Variants in FHIT observed in about 807,000 individuals in gnomAD.
FHIT encodes fragile histidine triad diadenosine triphosphatase, also known as bis(5'-adenosyl)-triphosphatase.
In FHIT, 19 loss-of-function variants were observed where a neutral mutation model predicts 17.9. The ratio of observed to expected loss-of-function variants is 1.06; its 90% CI spans 0.74 to 1.56. The LOEUF is 1.56. Ranked by LOEUF, FHIT falls within the 40% of genes most tolerant of loss-of-function variation. FHIT has a pLI of 0.00. For missense variants in FHIT, 248 were observed against 189.2 expected, an observed-to-expected ratio of 1.31 and a Z score of -1.82; for synonymous variants, 81 against 69.7, an observed-to-expected ratio of 1.16 and a Z score of -0.81.
intron 4 of FHIT, among the ~76,000 whole-genome samples, chr3:60,727,164 C>T (rs2041932847): frequency 6.6e-6 from 1 of 152,052 alleles, no homozygotes. Context: ...ATTTCCCTTT[C>T]AGTTTGCCCA....
At chr3:60,046,620 G>A (rs538656996) in intron 5 of FHIT, among the ~76,000 whole-genome samples, 1 of 152,316 alleles carries the variant, frequency 6.6e-6, no homozygotes, top group African/African-American at 2.4e-5. Flanking sequence ...AAGGACACCT[G>A]AAAGAGAAAC....
chr3:60,727,653 A>C (rs781891024), intron 4 of FHIT, among the ~76,000 whole-genome samples: 1 of 152,248 alleles, frequency 6.6e-6, no homozygotes, highest in African/African-American at 2.4e-5. Context: ...TATTATCCAA[A>C]TGTATTTTAT....
At chr3:61,230,462 C>A (rs1157321176) in intron 1 of FHIT, among the ~76,000 whole-genome samples, 1 of 152,116 alleles carries the variant, frequency 6.6e-6, no homozygotes, top group Non-Finnish European at 1.5e-5. Flanking sequence ...GGAGCAGATG[C>A]CAGCACCATG....
At chr3:61,184,928 C>T (rs556904354) in intron 2 of FHIT, among the ~76,000 whole-genome samples, 2 of 152,304 alleles carry the variant, frequency 1.3e-5, no homozygotes, top group East Asian at 1.9e-4. Context: ...AAGAACGGCA[C>T]ATTTCCCTAC....
intron 5 of FHIT, among the ~76,000 whole-genome samples, chr3:60,179,770 G>C (rs1004620714): frequency 2.0e-5 from 3 of 152,224 alleles, no homozygotes; most frequent in Non-Finnish European, 4.4e-5. Flanking sequence ...CCCTGGTCTA[G>C]AACACTAAGG....
At chr3:60,847,707 C>T (rs971179072) in intron 3 of FHIT, among the ~76,000 whole-genome samples, 1 of 152,034 alleles carries the variant, frequency 6.6e-6, no homozygotes, top group Non-Finnish European at 1.5e-5. Flanking sequence ...CCTTTCCTTC[C>T]TCCCTTTCTT....
intron 4 of FHIT, among the ~76,000 whole-genome samples, chr3:60,747,515 C>G (rs1365837108): frequency 1.3e-5 from 2 of 152,134 alleles, no homozygotes; most frequent in African/African-American, 4.8e-5. Flanking sequence ...ATACTTGATA[C>G]CCAACTCCAA....
intron 2 of FHIT, among the ~76,000 whole-genome samples, chr3:61,193,982 C>T (rs2038786098): frequency 7.5e-6 from 1 of 133,536 alleles, no homozygotes; most frequent in Non-Finnish European, 1.5e-5. Context: ...GAATGCACAG[C>T]TGTGTAGAAA....
intron 4 of FHIT, among the ~76,000 whole-genome samples, chr3:60,539,548 G>T (rs1431198864): frequency 6.6e-6 from 1 of 152,216 alleles, no homozygotes; most frequent in Non-Finnish European, 1.5e-5. Flanking sequence ...CAACCCAAAT[G>T]TCCAACAGTG....
chr3:60,078,507 G>A (rs940963927), intron 5 of FHIT, among the ~76,000 whole-genome samples: 2 of 152,138 alleles, frequency 1.3e-5, no homozygotes, highest in African/African-American at 4.8e-5. Context: ...GGAATTGTTT[G>A]AGATTAAAGA....
chr3:60,418,613 T>C (rs1296516540), intron 5 of FHIT, among the ~76,000 whole-genome samples: 1 of 137,818 alleles, frequency 7.3e-6, no homozygotes, highest in Non-Finnish European at 1.5e-5. Flanking sequence ...AGACATTAAA[T>C]CCTTCTTCAT....
At chr3:60,842,641 ATATATTTTTTTTTT>A (rs1702774153) in intron 3 of FHIT, among the ~76,000 whole-genome samples, 2 of 47,212 alleles carry the variant, frequency 4.2e-5, no homozygotes, top group Non-Finnish European at 9.7e-5. Flanking sequence ...ATATATATAT[ATATATTTTTTTTTT>A]TTTTTTTTTC....
At chr3:60,178,341 C>T (rs574212332) in intron 5 of FHIT, among the ~76,000 whole-genome samples, 2 of 152,126 alleles carry the variant, frequency 1.3e-5, no homozygotes, top group East Asian at 3.9e-4. Context: ...AATCCCAGCA[C>T]TTTGGGAGGC....
At chr3:61,123,162 G>A (rs965190850) in intron 2 of FHIT, among the ~76,000 whole-genome samples, 6 of 152,066 alleles carry the variant, frequency 3.9e-5, no homozygotes, top group African/African-American at 1.2e-4. Context: ...CATGGAATAC[G>A]ATGCAGCCAT....
chr3:59,978,421 C>A (rs1002420673), intron 7 of FHIT, among the ~76,000 whole-genome samples: 1 of 151,812 alleles, frequency 6.6e-6, no homozygotes, highest in African/African-American at 2.4e-5. Context: ...TTTAGAGTCC[C>A]AAAATCACTC....
At chr3:60,031,261 T>C (rs1575931528) in intron 5 of FHIT, among the ~76,000 whole-genome samples, 1 of 152,176 alleles carries the variant, frequency 6.6e-6, no homozygotes, top group African/African-American at 2.4e-5. Flanking sequence ...GAGTTTTCTG[T>C]CAACCTGGGA....
chr3:60,011,898 G>C, intron 6 of FHIT, among the ~76,000 whole-genome samples: 1 of 152,122 alleles, frequency 6.6e-6, no homozygotes, highest in East Asian at 1.9e-4. Context: ...ATTGTAGCTG[G>C]ACCCTTTTCC....
At chr3:60,586,758 T>A (rs928050445) in intron 4 of FHIT, among the ~76,000 whole-genome samples, 6 of 151,928 alleles carry the variant, frequency 3.9e-5, no homozygotes, top group Non-Finnish European at 8.8e-5. Context: ...AACCAAATAC[T>A]GCATGAGCTT....
intron 5 of FHIT, among the ~76,000 whole-genome samples, chr3:60,500,343 A>C (rs951802934): frequency 8.9e-6 from 1 of 112,542 alleles, no homozygotes; most frequent in Non-Finnish European, 1.9e-5. Flanking sequence ...CAAATAAATA[A>C]AATAAAGTAC....
Sources: gnomAD v4.1 joint callset for allele counts (sites outside exome capture counted in the v4.1 genomes callset) on GRCh38, gnomAD v4.1.1 for gene constraint, MANE v1.5 for transcripts, NCBI Gene and HGNC (gene_info 2026-07-23, HGNC 2026-07-21) for gene names.